Variants in DLGAP2 observed in about 807,000 individuals in gnomAD.
DLGAP2 encodes the protein DLG associated protein 2.
A neutral mutation model predicts 100.3 loss-of-function variants in DLGAP2; 26 were observed. The observed-to-expected ratio is 0.26, with a 90% CI of 0.19 to 0.36. DLGAP2 has a LOEUF of 0.36. DLGAP2 is among the 10% of genes least tolerant of loss of function. The probability of loss-of-function intolerance (pLI) is 1.00; values close to 1 mark genes in which losing one functional copy is unlikely to be tolerated. For synonymous variants in DLGAP2, 886 were observed against 630.1 expected (o/e 1.41, Z -6.08); for missense variants, 1,858 against 1,453.2 (o/e 1.28, Z -4.53).
intron 1 of DLGAP2, among the ~76,000 whole-genome samples, chr8:873,047 A>T (rs1313285787): frequency 6.6e-6 from 1 of 152,236 alleles, no homozygotes; most frequent in African/African-American, 2.4e-5. Flanking sequence ...ATGCATGTGT[A>T]GTATTACAAC....
chr8:802,540 C>T (rs940782000), intron 1 of DLGAP2, among the ~76,000 whole-genome samples: 43 of 152,172 alleles, frequency 2.8e-4, no homozygotes, highest in Non-Finnish European at 2.8e-4. Context: ...TCATCCAGTC[C>T]GGACGGCACA....
chr8:1,679,817 G>A (rs903977961), intron 12 of DLGAP2, among the ~76,000 whole-genome samples: 5 of 151,906 alleles, frequency 3.3e-5, no homozygotes, highest in Admixed American at 2.0e-4. Context: ...CCCCATATCT[G>A]CCAAAAATTC....
chr8:1,389,013 G>A (rs1023088521), intron 3 of DLGAP2, among the ~76,000 whole-genome samples: 1 of 147,114 alleles, frequency 6.8e-6, no homozygotes, highest in African/African-American at 2.5e-5. Flanking sequence ...TGAGAGCAGA[G>A]GCCGTGGATG....
intron 13 of DLGAP2, among the ~76,000 whole-genome samples, 198 bp downstream of exon 13, chr8:1,691,824 G>A (rs1324725296): frequency 6.6e-6 from 1 of 151,100 alleles, no homozygotes; most frequent in Admixed American, 6.6e-5. Flanking sequence ...CCGAGGCAGG[G>A]AGGCGGATAC....
chr8:1,626,991 G>A, intron 7 of DLGAP2, 104 bp downstream of exon 7: 1 of 1,402,572 alleles, frequency 7.1e-7, no homozygotes, highest in South Asian at 1.4e-5. Context: ...CTCCTGGTCA[G>A]CAGCACTTGG....
chr8:852,840 C>G (rs1797206999), intron 1 of DLGAP2, among the ~76,000 whole-genome samples: 2 of 152,210 alleles, frequency 1.3e-5, no homozygotes, highest in Non-Finnish European at 2.9e-5. Context: ...TGTTGCTTCA[C>G]AAAAGGACCT....
Position 1,250,711 on chromosome 8 carries a change from G to A in DLGAP2, c.74-8140G>A, listed in dbSNP as rs180848633. The A allele has an allele frequency of 1.4e-4, 22 of 151,968 alleles. 1 individual carries two copies. The highest frequency in any genetic ancestry group is 1.0e-3 in the Admixed American group (16 of 15,254). The allele number at this position is 151,968 out of a possible 1,614,324, so 9.4% of individuals were successfully genotyped here. On this transcript the variant is annotated intron_variant, in intron 2 of 14. Transcript: ENST00000637795. ...CAGTCACTCCTGGGTTTGCCTTCACGTTGTTTCACTTCATTAAAAAAAATG... is the reference window on the plus strand; with the variant it reads ...CAGTCACTCCTGGGTTTGCCTTCACATTGTTTCACTTCATTAAAAAAAATG...
intron 3 of DLGAP2, among the ~76,000 whole-genome samples, chr8:1,480,332 G>C (rs992726121): frequency 1.3e-5 from 2 of 152,172 alleles, no homozygotes; most frequent in Admixed American, 6.5e-5. Flanking sequence ...AAGAGGATGG[G>C]TGATGGGGGC....
intron 1 of DLGAP2, among the ~76,000 whole-genome samples, chr8:760,599 T>C (rs983016590): frequency 6.6e-6 from 1 of 152,144 alleles, no homozygotes; most frequent in Non-Finnish European, 1.5e-5. Context: ...TTTAACTCAG[T>C]GTTGTTGCTG....
chr8:962,500 G>T lies in DLGAP2; in HGVS notation c.73+54534G>T, dbSNP rs376812713. On this transcript the variant is annotated intron_variant, in intron 2 of 14. Coordinates refer to ENST00000637795, the MANE Select transcript of DLGAP2 (RefSeq NM_001346810.2). ...GGCGCTGCTGGGAGTCCATGCTGGG[G>T]TGGGCGCCTTGAGGGAGCCTCCTGG... Among the ~76,000 whole-genome samples, 5 of 152,300 alleles carry T rather than the reference G, an allele frequency of 3.3e-5. No homozygotes were observed. In the East Asian group the frequency reaches 5.8e-4, roughly 18 times the overall value.
chr8:770,339 C>G (rs1274322421), intron 1 of DLGAP2, among the ~76,000 whole-genome samples: 2 of 152,302 alleles, frequency 1.3e-5, no homozygotes, highest in Middle Eastern at 6.8e-3. Flanking sequence ...GCCTCCCACC[C>G]TGGGGAGCAC....
intron 3 of DLGAP2, among the ~76,000 whole-genome samples, chr8:1,311,703 T>A (rs1471466873): frequency 1.4e-5 from 2 of 146,788 alleles, no homozygotes; most frequent in African/African-American, 2.5e-5. Flanking sequence ...CTGTTCATGA[T>A]AAAAAAAAAA....
At chr8:973,897 G>GC (rs1800094303) in intron 2 of DLGAP2, among the ~76,000 whole-genome samples, 1 of 134,466 alleles carries the variant, frequency 7.4e-6, no homozygotes. Context: ...CTCCGCCACC[G>GC]CCGCCACCGC....
intron 2 of DLGAP2, among the ~76,000 whole-genome samples, chr8:920,202 GTGC>G (rs1278852320): frequency 6.6e-6 from 1 of 152,186 alleles, no homozygotes; most frequent in Admixed American, 6.5e-5. Flanking sequence ...GAGAGACATG[GTGC>G]CCAGGGTCGT....
chr8:1,280,922 C>T (rs1466269246), intron 3 of DLGAP2, among the ~76,000 whole-genome samples: 3 of 152,160 alleles, frequency 2.0e-5, no homozygotes, highest in East Asian at 3.9e-4. Flanking sequence ...AAGTCCACTG[C>T]GTTTGTATCA....
intron 3 of DLGAP2, among the ~76,000 whole-genome samples, chr8:1,472,615 A>G (rs186511518): frequency 1.1e-4 from 17 of 152,262 alleles, no homozygotes; most frequent in Admixed American, 1.0e-3. Flanking sequence ...GATGTAAACA[A>G]TCCTCAAGAT....
At chr8:872,552 A>C (rs552778507) in intron 1 of DLGAP2, among the ~76,000 whole-genome samples, 31 of 152,120 alleles carry the variant, frequency 2.0e-4, no homozygotes, top group Admixed American at 9.8e-4. Context: ...GGCTGGTCTC[A>C]AACTGACCTC....
chr8:931,276 GT>G (rs1350112820), intron 2 of DLGAP2, among the ~76,000 whole-genome samples: 2 of 152,192 alleles, frequency 1.3e-5, no homozygotes, highest in African/African-American at 4.8e-5. Flanking sequence ...TGAAGAAGTG[GT>G]TTCCAGTTAT....
At chr8:1,314,667 G>T (rs1289752181) in intron 3 of DLGAP2, among the ~76,000 whole-genome samples, 6 of 152,180 alleles carry the variant, frequency 3.9e-5, no homozygotes, top group Non-Finnish European at 8.8e-5. Flanking sequence ...GGGTCTGTCC[G>T]CCTGGGGCTG....
Sources: allele counts gnomAD v4.1 joint callset (sites outside exome capture counted in the v4.1 genomes callset), GRCh38; gene constraint gnomAD v4.1.1; transcripts MANE v1.5; gene names NCBI Gene and HGNC (gene_info 2026-07-23, HGNC 2026-07-21).